CSMD3: variants seen among roughly 807,000 people sequenced by gnomAD.
CSMD3 encodes CUB and Sushi multiple domains 3, also known as CUB and sushi domain-containing protein 3.
In CSMD3, 177 loss-of-function variants were observed where a neutral mutation model predicts 435.2. The observed-to-expected ratio is 0.41, with a 90% CI of 0.36 to 0.46. The LOEUF (loss-of-function observed/expected upper bound fraction) is 0.46, where lower values mean the gene tolerates loss of function less well. Ranked by LOEUF, CSMD3 falls within the 20% of genes least tolerant of loss-of-function variation. The pLI is 0.34. For missense variants in CSMD3, 4,265 were observed against 4,504.6 expected (o/e 0.95, Z 1.52); for synonymous variants, 1,656 against 1,520.5 (o/e 1.09, Z -2.07).
chr8:112,643,908 C>G (rs553810225), intron 20 of CSMD3, among the ~76,000 whole-genome samples: 1 of 151,820 alleles, frequency 6.6e-6, no homozygotes, highest in African/African-American at 2.4e-5. Context: ...TTTCTGAAAA[C>G]GCAAATTTAA....
At chr8:112,329,435 T>C (rs536729017) in intron 45 of CSMD3, among the ~76,000 whole-genome samples, 6 of 152,218 alleles carry the variant, frequency 3.9e-5, no homozygotes, top group African/African-American at 1.4e-4. Flanking sequence ...CCCCACCTTC[T>C]AGAAAAAATA....
chr8:113,027,544 G>T lies in CSMD3; in HGVS notation c.918-8365C>A, dbSNP rs75807206. Among the ~76,000 whole-genome samples the T allele has an allele frequency of 6.6e-3, 1,002 of 152,156 alleles. 12 individuals carry two copies. The highest frequency in any genetic ancestry group is 0.023 in the African/African-American group (961 of 41,526). On this transcript the variant is annotated intron_variant, in intron 5 of 70. Transcript: ENST00000297405. ...GATGCCTGACTGTGCTATTGATTAG[G>T]TAGTCAAAAGTCACTGGACATCAGG...
intron 24 of CSMD3, among the ~76,000 whole-genome samples, chr8:112,559,344 C>G (rs1222258296): frequency 2.6e-5 from 4 of 151,824 alleles, no homozygotes; most frequent in African/African-American, 9.7e-5. Context: ...AACACATGAT[C>G]CTTTCCATCC....
At chr8:112,733,216 A>T (rs1448330291) in intron 13 of CSMD3, among the ~76,000 whole-genome samples, 1 of 152,092 alleles carries the variant, frequency 6.6e-6, no homozygotes, top group Non-Finnish European at 1.5e-5. Flanking sequence ...CCCTTATTCA[A>T]CAAAATTGTA....
intron 22 of CSMD3, among the ~76,000 whole-genome samples, chr8:112,614,996 A>G (rs1833551412): frequency 1.9e-5 from 2 of 105,018 alleles, no homozygotes; most frequent in Non-Finnish European, 3.9e-5. Flanking sequence ...ACAACTGTAG[A>G]CATAACAAGA....
At chr8:112,277,575 T>G (rs1209437158) in intron 59 of CSMD3, among the ~76,000 whole-genome samples, 5 of 152,196 alleles carry the variant, frequency 3.3e-5, no homozygotes, top group Admixed American at 2.0e-4. Context: ...CCAAAGCCAC[T>G]TCTACATTTT....
At chr8:112,652,586 A>T (rs2075154681) in intron 18 of CSMD3, among the ~76,000 whole-genome samples, 1 of 152,132 alleles carries the variant, frequency 6.6e-6, no homozygotes, top group Admixed American at 6.5e-5. Flanking sequence ...AAGATGATGT[A>T]TTTCTTTTAT....
intron 24 of CSMD3, among the ~76,000 whole-genome samples, chr8:112,560,480 G>A (rs904972600): frequency 8.6e-5 from 13 of 151,638 alleles, no homozygotes; most frequent in Non-Finnish European, 1.8e-4. Context: ...TTATTTCTAG[G>A]AGACAACTGA....
chr8:113,377,250 C>A (rs1390088330), intron 1 of CSMD3: 2 of 490,986 alleles, frequency 4.1e-6, no homozygotes, highest in East Asian at 1.6e-4. Flanking sequence ...AAAAACAAAC[C>A]GTGGAGCCTA....
chr8:113,180,548 T>G (rs1177817844), intron 3 of CSMD3, among the ~76,000 whole-genome samples: 1 of 152,018 alleles, frequency 6.6e-6, no homozygotes, highest in African/African-American at 2.4e-5. Context: ...CATCTTTGTA[T>G]ACCAAGAATT....
At chr8:113,128,513 T>C (rs1307248348) in intron 4 of CSMD3, among the ~76,000 whole-genome samples, 4 of 152,118 alleles carry the variant, frequency 2.6e-5, no homozygotes. Flanking sequence ...ATTTTTAACA[T>C]ACTGTATTAC....
rs1055374860 is a variant in CSMD3 at position 112,601,190 on chromosome 8, A to T, written c.3716-13955T>A. ...ATCTAATAGATTAATTTCTCTGCAT[A>T]CTATATGCACACCTTATCTGAAGGT... On this transcript the variant is annotated intron_variant, in intron 22 of 70. Coordinates refer to ENST00000297405, the MANE Select transcript of CSMD3 (RefSeq NM_198123.2). Among the ~76,000 whole-genome samples the T allele has an allele frequency of 7.9e-5, 12 of 152,200 alleles. No individual in the cohort carries two copies. The East Asian group carries it at 1.9e-3, about 25-fold the overall frequency.
intron 1 of CSMD3, among the ~76,000 whole-genome samples, chr8:113,373,941 A>C (rs2094362420): frequency 6.6e-6 from 1 of 152,112 alleles, no homozygotes; most frequent in Non-Finnish European, 1.5e-5. Context: ...ACTTCTGTGA[A>C]GCCACAATGG....
At chr8:112,946,919 C>T (rs1318690636) in intron 9 of CSMD3, among the ~76,000 whole-genome samples, 4 of 151,474 alleles carry the variant, frequency 2.6e-5, no homozygotes, top group African/African-American at 7.3e-5. Context: ...GGTCTATATT[C>T]TAAGAACTAT....
intron 24 of CSMD3, among the ~76,000 whole-genome samples, chr8:112,565,328 T>C (rs951666251): frequency 6.6e-6 from 1 of 152,124 alleles, no homozygotes; most frequent in African/African-American, 2.4e-5. Flanking sequence ...TTAAATGAGT[T>C]ATATAGTAAG....
chr8:112,227,434 C>T (rs900370312), intron 70 of CSMD3, among the ~76,000 whole-genome samples: 2 of 152,230 alleles, frequency 1.3e-5, no homozygotes, highest in South Asian at 4.1e-4. Context: ...AGTACAGTTT[C>T]CCTTTGGCAT....
intron 5 of CSMD3, among the ~76,000 whole-genome samples, chr8:113,057,966 TTAATC>T: frequency 6.6e-6 from 1 of 152,006 alleles, no homozygotes; most frequent in South Asian, 2.1e-4. Context: ...AACATTTTGT[TTAATC>T]TATTATAGAA....
rs759911371 is a variant in CSMD3 at position 112,638,957 on chromosome 8, AAC to A, written c.3311-48_3311-47del. On this transcript the variant is annotated intron_variant, in intron 20 of 70. Coordinates refer to ENST00000297405, the MANE Select transcript of CSMD3 (RefSeq NM_198123.2). ...ACTGAATTTACAGGTAGATCAGTAA[AAC>A]ACAGAGAGTTACTGTCAAACTAACT... The A allele has an allele frequency of 2.3e-6, 3 of 1,310,644 alleles. No individual in the cohort carries two copies. The South Asian group carries it at 3.6e-5, about 16-fold the overall frequency. 81.2% of individuals were successfully genotyped at this position (1,310,644 alleles called of 1,614,324 possible). A position where few individuals can be genotyped will look rare whatever the true frequency, so the allele number is the denominator to read the frequency against.
intron 1 of CSMD3, among the ~76,000 whole-genome samples, chr8:113,431,612 C>G (rs901172903): frequency 6.6e-6 from 1 of 152,168 alleles, no homozygotes; most frequent in Non-Finnish European, 1.5e-5. Context: ...GAGAAACACC[C>G]TTTGGAACAC....
Sources: allele counts gnomAD v4.1 joint callset (sites outside exome capture counted in the v4.1 genomes callset), GRCh38; gene constraint gnomAD v4.1.1; transcripts MANE v1.5; gene names NCBI Gene and HGNC (gene_info 2026-07-23, HGNC 2026-07-21).